LMBR1: variants seen among roughly 807,000 people sequenced by gnomAD.
The protein encoded by LMBR1 is limb development membrane protein 1.
In LMBR1, 52 loss-of-function variants were observed where a neutral mutation model predicts 73.9. The ratio of observed to expected loss-of-function variants is 0.70; its 90% CI spans 0.56 to 0.89. LMBR1 has a LOEUF of 0.89. Among genes scored for constraint, LMBR1 ranks in the 40% least tolerant of loss-of-function variants. The pLI is 0.00. For missense variants in LMBR1, 539 were observed against 579.8 expected, an observed-to-expected ratio of 0.93 and a Z score of 0.72; for synonymous variants, 215 against 209.4, an observed-to-expected ratio of 1.03 and a Z score of -0.23.
At position 156,670,495 on chromosome 7, in the gene LMBR1, A is replaced by G. The variant is rs1802246624; in HGVS notation, n.867-1208T>C. ...CAGCTTGAAGCAACAAAGGCTAAGAATTTTCCAGATCTGAAGAAGATACAA... is the reference window on the plus strand; with the variant it reads ...CAGCTTGAAGCAACAAAGGCTAAGAGTTTTCCAGATCTGAAGAAGATACAA... On this transcript the variant is annotated intron_variant and non_coding_transcript_variant, in intron 4 of 4. Transcript: ENST00000430825. This position sits in a 1 kb window ranked among gnomAD's most constrained non-coding sequence, Gnocchi z 4.3. 6.6e-6 allele frequency among the ~76,000 whole-genome samples: 1 copy of G among 152,194 alleles called. No homozygotes were observed. The highest frequency in any genetic ancestry group is 1.5e-5 in the Non-Finnish European group (1 of 68,038).
chr7:156,719,798 C>T (rs1467151328), intron 15 of LMBR1, among the ~76,000 whole-genome samples: 1 of 152,060 alleles, frequency 6.6e-6, no homozygotes, highest in Non-Finnish European at 1.5e-5. Flanking sequence ...GAAATAATGC[C>T]GCATTATCTA....
intron 1 of LMBR1, among the ~76,000 whole-genome samples, chr7:156,858,512 A>G (rs1370053255): frequency 1.3e-5 from 2 of 152,248 alleles, no homozygotes; most frequent in Non-Finnish European, 2.9e-5. Context: ...ATTCTCCAAA[A>G]TATCTTACAG....
chr7:156,762,008 ATTTGAGTG>A, intron 8 of LMBR1, 118 bp downstream of exon 8: 1 of 623,230 alleles, frequency 1.6e-6, no homozygotes, highest in Non-Finnish European at 2.8e-6. Flanking sequence ...TAAAACAACA[ATTTGAGTG>A]ATAAACATAC....
intron 5 of LMBR1, among the ~76,000 whole-genome samples, chr7:156,775,567 G>A (rs942471709): frequency 1.2e-4 from 18 of 152,062 alleles, no homozygotes; most frequent in African/African-American, 3.6e-4. Context: ...TAACCTCACT[G>A]CATAAACAGT....
At chr7:156,823,209 C>A (rs1835089211) in intron 4 of LMBR1, 1 of 151,272 alleles carries the variant, frequency 6.6e-6, no homozygotes, top group African/African-American at 2.4e-5. Flanking sequence ...AATGTCCTAT[C>A]TGACTAAAAA....
chr7:156,768,315 C>G (rs2133013213), intron 5 of LMBR1, among the ~76,000 whole-genome samples: 1 of 152,026 alleles, frequency 6.6e-6, no homozygotes, highest in East Asian at 1.9e-4. Context: ...TGAGCCAAGA[C>G]TGCACCACTA....
chr7:156,827,962 T>A (rs946340496), intron 3 of LMBR1, among the ~76,000 whole-genome samples: 10 of 152,230 alleles, frequency 6.6e-5, no homozygotes, highest in Admixed American at 6.5e-4. Flanking sequence ...AGACACCGCA[T>A]TTCCTGGGAA....
intron 1 of LMBR1, among the ~76,000 whole-genome samples, chr7:156,842,343 G>A (rs1402343368): frequency 2.1e-5 from 3 of 142,248 alleles, no homozygotes; most frequent in African/African-American, 7.4e-5. Flanking sequence ...ATTTGTACAG[G>A]GGGAAGCGTA....
At chr7:156,885,853 G>A (rs146828446) in intron 1 of LMBR1, among the ~76,000 whole-genome samples, 5 of 151,898 alleles carry the variant, frequency 3.3e-5, no homozygotes, top group Non-Finnish European at 5.9e-5. Flanking sequence ...ACTCCAGGCT[G>A]GGTGACAGAG....
intron 4 of LMBR1, among the ~76,000 whole-genome samples, chr7:156,799,249 T>C (rs567642064): frequency 4.1e-4 from 63 of 152,120 alleles, no homozygotes; most frequent in African/African-American, 1.5e-3. Context: ...CTAAAGCCGA[T>C]TGCATGTTGC....
chr7:156,866,953 A>G (rs1292935947), intron 1 of LMBR1, among the ~76,000 whole-genome samples: 2 of 152,166 alleles, frequency 1.3e-5, no homozygotes, highest in Non-Finnish European at 2.9e-5. Flanking sequence ...CAGACATACA[A>G]GCGTGAGACC....
chr7:156,741,027 G>T (rs1818796565), intron 9 of LMBR1, among the ~76,000 whole-genome samples: 1 of 152,050 alleles, frequency 6.6e-6, no homozygotes, highest in Non-Finnish European at 1.5e-5. Context: ...TTAAAGTGTA[G>T]AGTCTGTATT....
intron 3 of LMBR1, among the ~76,000 whole-genome samples, chr7:156,831,962 G>C (rs971243858): frequency 2.0e-4 from 30 of 152,254 alleles, no homozygotes; most frequent in African/African-American, 7.2e-4. Context: ...TCTCTTATTC[G>C]TTGTAGCTTT....
At chr7:156,876,382 G>A (rs112220140) in intron 1 of LMBR1, among the ~76,000 whole-genome samples, 15,160 of 152,162 alleles carry the variant, frequency 0.1, 854 homozygotes, top group African/African-American at 0.13. Flanking sequence ...GGGTATTTCA[G>A]TACTCCACTG....
intron 1 of LMBR1, among the ~76,000 whole-genome samples, chr7:156,889,262 T>C (rs183594806): frequency 6.7e-4 from 102 of 152,196 alleles, no homozygotes; most frequent in Middle Eastern, 3.4e-3. Context: ...AAGTTTCAGT[T>C]GATGAAAAAG....
intron 15 of LMBR1, among the ~76,000 whole-genome samples, chr7:156,711,663 A>G (rs1220945131): frequency 1.3e-5 from 2 of 152,178 alleles, no homozygotes; most frequent in African/African-American, 2.4e-5. Flanking sequence ...ACACAGATCA[A>G]TGGAACAGAA....
At chr7:156,703,283 G>T (rs1352651384) in intron 15 of LMBR1, among the ~76,000 whole-genome samples, 1 of 152,184 alleles carries the variant, frequency 6.6e-6, no homozygotes, top group Non-Finnish European at 1.5e-5. Context: ...GCAGAAAAGA[G>T]GCTTGAGTAG....
At chr7:156,743,147 A>G (rs1289272397) in intron 9 of LMBR1, among the ~76,000 whole-genome samples, 1 of 152,176 alleles carries the variant, frequency 6.6e-6, no homozygotes, top group Non-Finnish European at 1.5e-5. Flanking sequence ...CAATTCTCTT[A>G]TGAAGTAGCT....
chr7:156,685,386 T>C lies in LMBR1; in HGVS notation c.1388-1223A>G, dbSNP rs1805786285. ...AACAACAGGAATGCATTCTGAGAAATGCGCTGTCGAGCGATTCTGTCGCTG... is the reference window on the plus strand; with the variant it reads ...AACAACAGGAATGCATTCTGAGAAACGCGCTGTCGAGCGATTCTGTCGCTG... On this transcript the variant is annotated intron_variant, in intron 16 of 16. Transcript: ENST00000353442. The surrounding 1 kb of genome is among the most constrained non-coding windows in gnomAD (Gnocchi z 4.1). 6.6e-6 allele frequency among the ~76,000 whole-genome samples: 1 copy of C among 152,170 alleles called. No homozygotes were observed. Among genetic ancestry groups the C allele is most frequent in the Non-Finnish European group, 1.5e-5 (1 of 68,026 alleles).
Sources: gnomAD v4.1 joint callset for allele counts (sites outside exome capture counted in the v4.1 genomes callset) on GRCh38, gnomAD v4.1.1 for gene constraint, Gnocchi (gnomAD v3.1) non-coding constraint, MANE v1.5 for transcripts, NCBI Gene and HGNC (gene_info 2026-07-23, HGNC 2026-07-21) for gene names.